PROSER3: variants seen among roughly 807,000 people sequenced by gnomAD.
PROSER3 encodes proline and serine rich 3, also known as proline and serine-rich protein 3.
A neutral mutation model predicts 50.2 loss-of-function variants in PROSER3; 33 were observed. That is an observed-to-expected ratio of 0.66 (90% CI 0.50 to 0.88). The LOEUF (loss-of-function observed/expected upper bound fraction) is 0.88. PROSER3 is among the 40% of genes least tolerant of loss of function. PROSER3 has a pLI of 0.00. For synonymous variants in PROSER3, 266 were observed against 259.3 expected (o/e 1.03, Z -0.25); for missense variants, 623 against 612.7 (o/e 1.02, Z -0.18).
intron 7 of PROSER3, among the ~76,000 whole-genome samples, chr19:35,766,371 A>T (rs1314131519): frequency 6.6e-6 from 1 of 151,930 alleles, no homozygotes; most frequent in African/African-American, 2.4e-5. Flanking sequence ...ACAAAGCAAG[A>T]CCCTGTCTCT....
chr19:35,768,476 G>A (rs968945735), exon 11 of PROSER3: 12 of 1,598,216 alleles, frequency 7.5e-6, no homozygotes, highest in Non-Finnish European at 1.0e-5. Flanking sequence ...CTCCAGCCGG[G>A]TCGCCCCCTA....
intron 8 of PROSER3, chr19:35,767,796 G>A (rs79020519): frequency 4.4e-6 from 7 of 1,607,016 alleles, no homozygotes; most frequent in East Asian, 2.2e-5. Context: ...TCCCAGTGTC[G>A]GGCCAAGGCC....
chr19:35,758,245 C>A lies in PROSER3; in HGVS notation c.11+19C>A. The A allele has an allele frequency of 1.9e-6, 3 of 1,561,982 alleles. No homozygotes were observed. The highest frequency in any genetic ancestry group is 2.6e-6 in the Non-Finnish European group (3 of 1,153,100). On this transcript the variant is annotated intron_variant, in intron 1 of 10. Coordinates refer to ENST00000396908, the Ensembl canonical transcript of PROSER3. ...ACCGCAGGTGAGGCCGATCGCTCTT[C>A]CAGGGACTACAGGAGGCTGGGGAGG...
At chr19:35,764,885 A>G in exon 6 of PROSER3, 1 of 1,613,692 alleles carries the variant, frequency 6.2e-7, no homozygotes, top group South Asian at 1.1e-5. Context: ...TCCCTGCTGG[A>G]CCTGGAGACG....
intron 5 of PROSER3, 124 bp from the exon 6 acceptor site, chr19:35,764,730 A>G (rs760637804): frequency 9.0e-6 from 7 of 774,574 alleles, no homozygotes; most frequent in Non-Finnish European, 1.4e-5. Flanking sequence ...GAGGAGGAGC[A>G]GATCCTAAGC....
intron 7 of PROSER3, among the ~76,000 whole-genome samples, chr19:35,766,358 G>A (rs1971141133): frequency 6.6e-6 from 1 of 152,002 alleles, no homozygotes; most frequent in South Asian, 2.1e-4. Context: ...ACCAGCTTGG[G>A]CAACAAAGCA....
At chr19:35,766,921 G>C in exon 8 of PROSER3, 1 of 1,554,730 alleles carries the variant, frequency 6.4e-7, no homozygotes, top group Non-Finnish European at 8.7e-7. Context: ...GACAGAGCTT[G>C]GGTGCCGCCT....
Position 35,758,194 on chromosome 19 carries a change from G to T in PROSER3, c.-22G>T, listed in dbSNP as rs1376262664. 3 of 1,558,634 alleles carry T rather than the reference G, an allele frequency of 1.9e-6. No individual in the cohort carries two copies. The East Asian group carries it at 7.2e-5, about 37-fold the overall frequency. ...GTTGGGTGAAGGAGCAGAGCGGCCG[G>T]AAGCGCGGAGGGAGCCGCGGGATGG... On this transcript the variant is annotated 5_prime_UTR_variant, in exon 1 of 11. Transcript: ENST00000396908.
At chr19:35,768,093 G>A in intron 9 of PROSER3, 28 bp downstream of exon 9, 3 of 1,591,938 alleles carry the variant, frequency 1.9e-6, no homozygotes, top group Non-Finnish European at 2.6e-6. Context: ...CTGGATGTTG[G>A]AGGCAGGCCA....
At chr19:35,766,627 C>A in intron 7 of PROSER3, 141 bp from the exon 8 acceptor site, 1 of 611,920 alleles carries the variant, frequency 1.6e-6, no homozygotes. Flanking sequence ...TCTTCCCACC[C>A]CAGAGAGGAG....
intron 10 of PROSER3, 26 bp downstream of exon 10, chr19:35,768,262 C>T: frequency 6.2e-7 from 1 of 1,603,878 alleles, no homozygotes; most frequent in South Asian, 1.1e-5. Flanking sequence ...TCCCCAGAGT[C>T]TATGACACTG....
Position 35,759,487 on chromosome 19 carries a change from A to C in PROSER3, c.108+17A>C, listed in dbSNP as rs762449900. ...TGTCCCAAGGTGAGGACACCCCTCAAAGAGTGCTGAGTGCCAGCCCAGTAG... is the reference window on the plus strand; with the variant it reads ...TGTCCCAAGGTGAGGACACCCCTCACAGAGTGCTGAGTGCCAGCCCAGTAG... On this transcript the variant is annotated intron_variant, in intron 2 of 10. Coordinates refer to ENST00000396908, the Ensembl canonical transcript of PROSER3. 1.3e-6 allele frequency: 2 copies of C among 1,598,352 alleles called. No individual in the cohort carries two copies. The highest frequency in any genetic ancestry group is 2.7e-5 in the African/African-American group (2 of 74,542).
At chr19:35,768,370 T>TA in intron 10 of PROSER3, 34 bp from the exon 11 acceptor site, 1 of 1,586,482 alleles carries the variant, frequency 6.3e-7, no homozygotes. Context: ...CCTGAGCACA[T>TA]ACCCCAGCCT....
exon 9 of PROSER3, chr19:35,768,022 G>GGCCCTGCTTGCCCAGGCC: frequency 1.9e-6 from 3 of 1,584,102 alleles, no homozygotes; most frequent in South Asian, 1.1e-5. Flanking sequence ...CCCCCTCGGA[G>GGCCCTGCTTGCCCAGGCC]GCCCTGCTTG....
intron 2 of PROSER3, 152 bp from the exon 3 acceptor site, chr19:35,759,637 C>A: frequency 1.0e-6 from 1 of 978,254 alleles, no homozygotes; most frequent in Non-Finnish European, 1.5e-6. Context: ...CACCTGGATT[C>A]CCCATCTGAG....
At chr19:35,768,476 G>T (rs968945735) in exon 11 of PROSER3, 1 of 1,598,216 alleles carries the variant, frequency 6.3e-7, no homozygotes, top group East Asian at 2.2e-5. Context: ...CTCCAGCCGG[G>T]TCGCCCCCTA....
exon 11 of PROSER3, chr19:35,768,511 G>C (rs751274808): frequency 5.6e-6 from 9 of 1,597,742 alleles, no homozygotes; most frequent in Non-Finnish European, 7.6e-6. Flanking sequence ...CTGCTAAGAA[G>C]GGAAGGAGAT....
At chr19:35,765,609 A>G (rs769703035) in intron 7 of PROSER3, among the ~76,000 whole-genome samples, 1 of 150,738 alleles carries the variant, frequency 6.6e-6, no homozygotes, top group African/African-American at 2.4e-5. Flanking sequence ...GTGCCATCAT[A>G]GTCCAATTGC....
At chr19:35,762,539 C>T (rs942545730) in intron 5 of PROSER3, 183 bp downstream of exon 5, 2 of 442,348 alleles carry the variant, frequency 4.5e-6, no homozygotes, top group Admixed American at 3.9e-5. Context: ...TGAGATTCTG[C>T]CTCTACTAAA....
Sources: allele counts gnomAD v4.1 joint callset (sites outside exome capture counted in the v4.1 genomes callset), GRCh38; gene constraint gnomAD v4.1.1; transcripts MANE v1.5; gene names NCBI Gene and HGNC (gene_info 2026-07-23, HGNC 2026-07-21).